Variants in TBX1 observed in about 807,000 individuals in gnomAD.
TBX1 encodes T-box transcription factor TBX1.
A neutral mutation model predicts 40.8 loss-of-function variants in TBX1; 16 were observed. The ratio of observed to expected loss-of-function variants is 0.39; its 90% confidence interval spans 0.27 to 0.60. TBX1 has a LOEUF of 0.60. Ranked by LOEUF, TBX1 falls within the 20% of genes least tolerant of loss-of-function variation. The pLI is 0.51. For missense variants in TBX1, 755 were observed against 728.5 expected (o/e 1.04, Z -0.42); for synonymous variants, 403 against 336.8 (o/e 1.20, Z -2.15).
chr22:19,780,063 T>C (rs1937124582), downstream of TBX1, among the ~76,000 whole-genome samples: 1 of 152,278 alleles, frequency 6.6e-6, no homozygotes, highest in Non-Finnish European at 1.5e-5. Flanking sequence ...GGTGATGTAT[T>C]TGCTAGTTAG....
upstream of TBX1, among the ~76,000 whole-genome samples, chr22:19,758,348 A>C (rs902737287): frequency 6.6e-6 from 1 of 152,236 alleles, no homozygotes; most frequent in Non-Finnish European, 1.5e-5. Context: ...ACAGAGGCAC[A>C]GAGCTGAGGT....
chr22:19,767,031 C>CG lies in TBX1; in HGVS notation c.*164_*165insG, dbSNP rs41298842. The CG allele has an allele frequency of 0.017, 22,654 of 1,347,420 alleles. 291 individuals carry two copies. Among genetic ancestry groups the CG allele is most frequent in the East Asian group, 0.046 (1,449 of 31,770 alleles). The allele number at this position is 1,347,420 out of a possible 1,614,324, so 83.5% of individuals were successfully genotyped here. A position where few individuals can be genotyped will look rare whatever the true frequency, so the allele number is the denominator to read the frequency against. On this transcript the variant is annotated 3_prime_UTR_variant, in exon 7 of 7. Transcript: ENST00000649276. ...CGAAGCCATGGGGGCCCCCTCGCCA[C>CG]CCCCAGCCCCTTGGGCTATCGAAGT...
At chr22:19,765,688 ATCC>A (rs921515181) in intron 4 of TBX1, 67 bp from the exon 5 acceptor site, 6 of 1,563,628 alleles carry the variant, frequency 3.8e-6, no homozygotes, top group South Asian at 1.1e-5. Context: ...ACACTCCCCT[ATCC>A]TCCGCCGAGG....
intron 8 of TBX1, chr22:19,779,127 C>T: frequency 2.1e-6 from 3 of 1,446,786 alleles, no homozygotes; most frequent in Non-Finnish European, 2.9e-6. Context: ...GCGGTTCAGA[C>T]ACTGGACATT....
intron 1 of TBX1, among the ~76,000 whole-genome samples, chr22:19,761,624 T>C (rs1314342712): frequency 6.6e-6 from 1 of 152,056 alleles, no homozygotes; most frequent in Non-Finnish European, 1.5e-5. Flanking sequence ...CGCACCCGGC[T>C]GGGGGCAGGC....
chr22:19,768,980 A>C (rs1289620896), downstream of TBX1, among the ~76,000 whole-genome samples: 1 of 34,908 alleles, frequency 2.9e-5, no homozygotes, highest in Non-Finnish European at 5.2e-5. Flanking sequence ...TTTTTTTTTG[A>C]GACTGAGTCG....
chr22:19,763,224 G>C lies in TBX1; in HGVS notation c.438-17G>C. 6.2e-7 allele frequency: 1 copy of C among 1,609,658 alleles called. No individual in the cohort carries two copies. Among genetic ancestry groups the C allele is most frequent in the African/African-American group, 1.3e-5 (1 of 75,010 alleles). ...CCTTCCACCAGCTAGGGTGACCCAAGGCCTCATCACCCCCAGGCGGATGTT... is the reference window on the plus strand; with the variant it reads ...CCTTCCACCAGCTAGGGTGACCCAACGCCTCATCACCCCCAGGCGGATGTT... On this transcript the variant is annotated splice_polypyrimidine_tract_variant and intron_variant, in intron 1 of 6. Transcript: ENST00000649276.
intron 8 of TBX1, among the ~76,000 whole-genome samples, chr22:19,778,277 G>A (rs1937097087): frequency 6.7e-6 from 1 of 149,328 alleles, no homozygotes. Context: ...TGTTGTTGTT[G>A]TTGTTAGAGA....
intron 8 of TBX1, among the ~76,000 whole-genome samples, chr22:19,777,114 GGTTT>G (rs1218886656): frequency 1.3e-5 from 2 of 151,988 alleles, no homozygotes; most frequent in South Asian, 2.1e-4. Context: ...ACAACATGCA[GGTTT>G]GTTACATATG....
chr22:19,766,290 G>A, intron 6 of TBX1, 99 bp from the exon 7 acceptor site: 1 of 1,201,298 alleles, frequency 8.3e-7, no homozygotes, highest in South Asian at 3.7e-5. Flanking sequence ...GAACACCGAG[G>A]GCGGCCAAGA....
rs1009387881 is a variant in TBX1 at position 19,767,218 on chromosome 22, G to A, written c.*351G>A. 5.5e-6 allele frequency: 6 copies of A among 1,095,192 alleles called. No individual in the cohort carries two copies. In the African/African-American group the frequency reaches 8.3e-5, roughly 15 times the overall value. The allele number at this position is 1,095,192 out of a possible 1,614,324, so 67.8% of individuals were successfully genotyped here. On this transcript the variant is annotated 3_prime_UTR_variant, in exon 7 of 7. Transcript: ENST00000649276. ...GTCGCCCGCGGCCCGGCCGGCAGTT[G>A]CAGTGTAGACAGCCCGAGAGCCCCG...
At chr22:19,758,406 G>A (rs778936112), upstream of TBX1, among the ~76,000 whole-genome samples, 1 of 152,226 alleles carries the variant, frequency 6.6e-6, no homozygotes. Context: ...TGGGTGCGCT[G>A]AACTGGTTAG....
chr22:19,766,907 C>T lies in TBX1; in HGVS notation c.*40C>T. Reference sequence around the variant, plus strand: ...CGCTCCCGCCCCGGTCCTGCACAGCCCCGAAGTTCGCCGGGCCCGGCCACC... The same window carrying T: ...CGCTCCCGCCCCGGTCCTGCACAGCTCCGAAGTTCGCCGGGCCCGGCCACC... On this transcript the variant is annotated 3_prime_UTR_variant, in exon 7 of 7. Coordinates refer to ENST00000649276, the MANE Select transcript of TBX1 (RefSeq NM_001379200.1). 6.3e-7 allele frequency: 1 copy of T among 1,575,028 alleles called. No homozygotes were observed.
downstream of TBX1, among the ~76,000 whole-genome samples, chr22:19,769,968 C>T (rs548550777): frequency 1.3e-5 from 2 of 152,330 alleles, no homozygotes; most frequent in East Asian, 1.9e-4. Flanking sequence ...TTAGGTTCCC[C>T]GTTGAGCACA....
At chr22:19,782,083 A>C (rs1937148246), downstream of TBX1, among the ~76,000 whole-genome samples, 1 of 152,260 alleles carries the variant, frequency 6.6e-6, no homozygotes, top group Non-Finnish European at 1.5e-5. Flanking sequence ...TTTTGAAACC[A>C]GGAAGTATGA....
In TBX1 at chr22:19,760,911, C is replaced by A. The variant is rs1238011096; in HGVS notation, c.68C>A (p.Thr23Lys). The A allele has an allele frequency of 1.9e-6, 2 of 1,058,158 alleles. No homozygotes were observed. Among genetic ancestry groups the A allele is most frequent in the East Asian group, 2.1e-4 (2 of 9,412 alleles). 65.5% of individuals were successfully genotyped at this position (1,058,158 alleles called of 1,614,324 possible). The change falls in exon 1 of 7, where the codon ACG becomes AAG. Residue 23 changes from threonine (T) to lysine (K), a missense_variant. Transcript: ENST00000649276. ...LSHFCDVAAF[T>K]ASSLSSLGAA... ...CATTTCTGCGACGTTGCAGCCTTCA[C>A]GGCCAGCAGCCTGAGCAGCCTGGGG...
At chr22:19,773,809 T>C (rs1601302895) in intron 8 of TBX1, among the ~76,000 whole-genome samples, 1 of 152,132 alleles carries the variant, frequency 6.6e-6, no homozygotes, top group East Asian at 1.9e-4. Flanking sequence ...ACCAGCGTGG[T>C]CTCCTTCCTG....
downstream of TBX1, among the ~76,000 whole-genome samples, chr22:19,779,750 T>G (rs1293916827): frequency 2.0e-5 from 3 of 152,254 alleles, no homozygotes; most frequent in African/African-American, 7.2e-5. Context: ...ATGAGGATGA[T>G]TCCCTCAAAC....
Position 19,763,226 on chromosome 22 carries a change from C to T in TBX1, c.438-15C>T, listed in dbSNP as rs1345071950. 6.2e-7 allele frequency: 1 copy of T among 1,610,248 alleles called. No homozygotes were observed. Among genetic ancestry groups the T allele is most frequent in the South Asian group, 1.1e-5 (1 of 90,976 alleles). ...TTCCACCAGCTAGGGTGACCCAAGG[C>T]CTCATCACCCCCAGGCGGATGTTTC... On this transcript the variant is annotated splice_polypyrimidine_tract_variant and intron_variant, in intron 1 of 6. Transcript: ENST00000649276.
Sources: gnomAD v4.1 joint callset for allele counts (sites outside exome capture counted in the v4.1 genomes callset) on GRCh38, gnomAD v4.1.1 for gene constraint, MANE v1.5 for transcripts, NCBI Gene and HGNC (gene_info 2026-07-23, HGNC 2026-07-21) for gene names.